CNNM4: variants seen among roughly 807,000 people sequenced by gnomAD.
CNNM4 encodes cyclin and CBS domain divalent metal cation transport mediator 4, also known as metal transporter CNNM4.
In CNNM4, 32 loss-of-function variants were observed where a neutral mutation model predicts 53.7. The ratio of observed to expected loss-of-function variants is 0.60; its 90% CI spans 0.45 to 0.80. CNNM4 has a LOEUF of 0.80. Ranked by LOEUF, CNNM4 falls within the 30% of genes least tolerant of loss-of-function variation. The pLI is 0.00. For missense variants in CNNM4, 784 were observed against 1,022.0 expected (o/e 0.77, Z 3.17); for synonymous variants, 410 against 440.0 (o/e 0.93, Z 0.85).
At chr2:96,807,525 A>G (rs984374036) in intron 5 of CNNM4, among the ~76,000 whole-genome samples, 1 of 152,040 alleles carries the variant, frequency 6.6e-6, no homozygotes, top group Non-Finnish European at 1.5e-5. Context: ...GTAAGACTCC[A>G]TCTCAAAAAA....
rs377006842 is a variant in CNNM4, at chr2:96,803,000, C to T, written c.1948+3352C>T. 1.6e-4 allele frequency among the ~76,000 whole-genome samples: 24 copies of T among 152,344 alleles called. 3 individuals carry two copies. The highest frequency in any genetic ancestry group is 5.9e-4 in the Admixed American group (9 of 15,302). On this transcript the variant is annotated intron_variant, in intron 5 of 6. Transcript: ENST00000377075. ...CCCCAACTGCCCTAAAAACCCGTCA[C>T]CTCAGCCCGGGGATATCCATTTTAC...
In CNNM4 at chr2:96,810,869, C is replaced by T. The variant is rs2079251176; in HGVS notation, c.*1352C>T. ...AAGAGCTCTGCCCTCATGTGAATTC[C>T]TGCCCTGGCGCCTCTTCCCTGGGGC... On this transcript the variant is annotated 3_prime_UTR_variant, in exon 7 of 7. Coordinates refer to ENST00000377075, the MANE Select transcript of CNNM4 (RefSeq NM_020184.4). The surrounding 1 kb of genome is among the most constrained non-coding windows in gnomAD (Gnocchi z 4.1). The T allele has an allele frequency of 6.6e-6, 1 of 152,328 alleles. No individual in the cohort carries two copies. 9.4% of individuals were successfully genotyped at this position (152,328 alleles called of 1,614,324 possible).
In CNNM4 at chr2:96,799,533, C is replaced by T. The variant is rs781086377; in HGVS notation, c.1852-19C>T. On this transcript the variant is annotated intron_variant, in intron 4 of 6. Coordinates refer to ENST00000377075, the MANE Select transcript of CNNM4 (RefSeq NM_020184.4). ...TCCTCCCTCACTTGGTCTCTAACTCCAGCCCTGTGTTTTTTCAGGGGAAGG... is the reference window on the plus strand; with the variant it reads ...TCCTCCCTCACTTGGTCTCTAACTCTAGCCCTGTGTTTTTTCAGGGGAAGG... The T allele has an allele frequency of 6.5e-6, 10 of 1,548,908 alleles. No homozygotes were observed. The highest frequency in any genetic ancestry group is 2.0e-5 in the Admixed American group (1 of 51,106).
Position 96,761,356 on chromosome 2 carries a change from G to A in CNNM4, c.357G>A (p.Gln119=). ...LELTKDLVVQ[Q]LVNVSRGNTS... ...TCACCAAGGACCTGGTCGTCCAGCA[G>A]CTGGTCAACGTGAGCCGCGGGAACA... is the stretch of plus-strand genomic sequence containing the variant. The change falls in exon 1 of 7, where the codon CAG becomes CAA. Residue 119 remains glutamine (Q), a synonymous_variant. Transcript: ENST00000377075. This position sits in a 1 kb window ranked among gnomAD's most constrained non-coding sequence, Gnocchi z 6.0. The A allele has an allele frequency of 1.2e-6, 2 of 1,614,006 alleles. No individual in the cohort carries two copies. The highest frequency in any genetic ancestry group is 2.2e-5 in the East Asian group (1 of 44,894).
chr2:96,783,952 T>C (rs1225965439), intron 1 of CNNM4, among the ~76,000 whole-genome samples: 1 of 152,242 alleles, frequency 6.6e-6, no homozygotes, highest in Non-Finnish European at 1.5e-5. Context: ...ATATTTTATC[T>C]ATATATATCC....
chr2:96,791,700 C>G (rs1433574497), intron 1 of CNNM4, among the ~76,000 whole-genome samples: 1 of 151,728 alleles, frequency 6.6e-6, no homozygotes, highest in Non-Finnish European at 1.5e-5. Flanking sequence ...GGAAATATAG[C>G]AAAATGTTAG....
intron 1 of CNNM4, among the ~76,000 whole-genome samples, chr2:96,787,352 G>A (rs1050319496): frequency 3.9e-5 from 6 of 152,110 alleles, no homozygotes; most frequent in Non-Finnish European, 8.8e-5. Context: ...AGTTCATTTT[G>A]AAAATTTGTA....
rs1205601134 is a variant in CNNM4 at position 96,799,151 on chromosome 2, G to A, written c.1776G>A (p.Glu592=). 2 of 1,612,878 alleles carry A rather than the reference G, an allele frequency of 1.2e-6. No homozygotes were observed. The highest frequency in any genetic ancestry group is 1.7e-6 in the Non-Finnish European group (2 of 1,180,012). Residue 592 remains glutamate (E), a synonymous_variant, in exon 4 of 7, where the codon GAG becomes GAA. Coordinates refer to ENST00000377075, the MANE Select transcript of CNNM4 (RefSeq NM_020184.4). ...PDVIQELKFD[E]HNKYYARHYL... is the part of the protein sequence containing the mutation. Reference sequence around the variant, plus strand: ...TCATTCAGGAACTCAAGTTTGACGAGCACAATAAGTACTACGCCCGCCATT... The same window carrying A: ...TCATTCAGGAACTCAAGTTTGACGAACACAATAAGTACTACGCCCGCCATT...
chr2:96,799,038 C>A lies in CNNM4; in HGVS notation c.1682-19C>A. Reference sequence around the variant, plus strand: ...ACCTGGCCAGCCCCGTGTGAGGTCTCTTCTCTCTCCTCCTACAGAGGTCTC... The same window carrying A: ...ACCTGGCCAGCCCCGTGTGAGGTCTATTCTCTCTCCTCCTACAGAGGTCTC... On this transcript the variant is annotated intron_variant, in intron 3 of 6. Coordinates refer to ENST00000377075, the MANE Select transcript of CNNM4 (RefSeq NM_020184.4). 3.7e-6 allele frequency: 6 copies of A among 1,613,556 alleles called. No individual in the cohort carries two copies. Among genetic ancestry groups the A allele is most frequent in the African/African-American group, 1.3e-5 (1 of 75,008 alleles).
At chr2:96,799,457 CT>C in intron 4 of CNNM4, 94 bp from the exon 5 acceptor site, 1 of 1,223,472 alleles carries the variant, frequency 8.2e-7, no homozygotes, top group East Asian at 2.5e-5. Flanking sequence ...GCCCTTCCTC[CT>C]GCCCCACTGT....
intron 1 of CNNM4, among the ~76,000 whole-genome samples, chr2:96,772,752 C>G (rs1241430126): frequency 7.2e-6 from 1 of 139,472 alleles, no homozygotes; most frequent in Non-Finnish European, 1.5e-5. Flanking sequence ...CACACTCATA[C>G]CCCCACATAG....
intron 1 of CNNM4, among the ~76,000 whole-genome samples, chr2:96,764,778 G>C (rs578072130): frequency 9.2e-5 from 14 of 152,126 alleles, no homozygotes; most frequent in Admixed American, 3.3e-4. Flanking sequence ...ACGAGGTCAG[G>C]AGATTGAGAC....
At chr2:96,795,685 G>T (rs2079097201) in intron 1 of CNNM4, among the ~76,000 whole-genome samples, 1 of 152,146 alleles carries the variant, frequency 6.6e-6, no homozygotes, top group Admixed American at 6.5e-5. Flanking sequence ...AGTCCCTAGA[G>T]CGAGGCCCTT....
intron 5 of CNNM4, among the ~76,000 whole-genome samples, chr2:96,806,363 T>G (rs1169189994): frequency 6.6e-6 from 1 of 151,988 alleles, no homozygotes; most frequent in Non-Finnish European, 1.5e-5. Context: ...TTTATTTAAT[T>G]AGATCTTGGG....
intron 1 of CNNM4, among the ~76,000 whole-genome samples, chr2:96,782,438 A>G (rs1019355244): frequency 6.6e-6 from 1 of 151,828 alleles, no homozygotes; most frequent in East Asian, 1.9e-4. Flanking sequence ...GAATTTTGGC[A>G]TTTATGCTCA....
In CNNM4 at chr2:96,801,445, C is replaced by T. The variant is rs1249367784; in HGVS notation, c.1948+1797C>T. ...ACGCAGAGACACACACAGTGAGAGA[C>T]CACATGCAGAGAGACCGCACACACA... On this transcript the variant is annotated intron_variant, in intron 5 of 6. Coordinates refer to ENST00000377075, the MANE Select transcript of CNNM4 (RefSeq NM_020184.4). This position sits in a 1 kb window ranked among gnomAD's most constrained non-coding sequence, Gnocchi z 5.6. 6.6e-6 allele frequency among the ~76,000 whole-genome samples: 1 copy of T among 151,822 alleles called. No homozygotes were observed. The highest frequency in any genetic ancestry group is 6.6e-5 in the Admixed American group (1 of 15,218).
In CNNM4 at chr2:96,760,922, AGCGGCCGGAGCTGCGGT is replaced by A. The variant is rs2078753598; in HGVS notation, c.-73_-57del. On this transcript the variant is annotated 5_prime_UTR_variant, in exon 1 of 7. Transcript: ENST00000377075. The stretch of plus-strand genomic sequence containing the variant: ...CGGGCAGTTGGCTCGGCGGCAGCGG[AGCGGCCGGAGCTGCGGT>A]GCGGACCGGGGCCGCGCGGCGTGGC... The A allele has an allele frequency of 2.5e-6, 2 of 798,766 alleles. No individual in the cohort carries two copies. Among genetic ancestry groups the A allele is most frequent in the Non-Finnish European group, 3.0e-6 (2 of 659,790 alleles). The allele number at this position is 798,766 out of a possible 1,614,324, so 49.5% of individuals were successfully genotyped here.
intron 5 of CNNM4, among the ~76,000 whole-genome samples, chr2:96,805,443 A>C (rs199731462): frequency 1.4e-5 from 1 of 73,754 alleles, no homozygotes; most frequent in South Asian, 3.9e-4. Context: ...TTTTTTTATT[A>C]TTTTTTTTTA....
At chr2:96,778,556 CA>C (rs757948178) in intron 1 of CNNM4, among the ~76,000 whole-genome samples, 8,422 of 90,892 alleles carry the variant, frequency 0.093, 713 homozygotes, top group African/African-American at 0.28. Context: ...GACTCTGTCT[CA>C]AAAAAAAAAA....
Sources: allele counts gnomAD v4.1 joint callset (sites outside exome capture counted in the v4.1 genomes callset), GRCh38; gene constraint gnomAD v4.1.1; non-coding constraint Gnocchi (gnomAD v3.1); transcripts MANE v1.5; gene names NCBI Gene and HGNC (gene_info 2026-07-23, HGNC 2026-07-21).